Variants in FAF1 observed in about 807,000 individuals in gnomAD.
FAF1 encodes Fas associated factor 1, also known as FAS-associated factor 1.
FAF1 carries 25 observed loss-of-function variants against 92.5 expected under a neutral mutation model. The ratio of observed to expected loss-of-function variants is 0.27; its 90% CI spans 0.20 to 0.38. The LOEUF (loss-of-function observed/expected upper bound fraction) is 0.38, where lower values mean the gene tolerates loss of function less well. FAF1 is among the 10% of genes least tolerant of loss of function. The pLI is 1.00. For synonymous variants in FAF1, 234 were observed against 273.2 expected, an observed-to-expected ratio of 0.86 and a Z score of 1.42; for missense variants, 636 against 793.3, an observed-to-expected ratio of 0.80 and a Z score of 2.38.
At chr1:50,471,383 C>A (rs981053860) in intron 18 of FAF1, among the ~76,000 whole-genome samples, 1 of 152,098 alleles carries the variant, frequency 6.6e-6, no homozygotes, top group Non-Finnish European at 1.5e-5. Context: ...GCTTTTCCCC[C>A]AGTACATTTA....
chr1:50,537,595 A>C (rs1185190617), intron 14 of FAF1, among the ~76,000 whole-genome samples: 5 of 152,206 alleles, frequency 3.3e-5, no homozygotes, highest in Admixed American at 3.3e-4. Context: ...TAAAAGTAAC[A>C]ATAATAAACC....
chr1:50,747,966 G>A (rs1659694825), intron 4 of FAF1, among the ~76,000 whole-genome samples: 1 of 152,194 alleles, frequency 6.6e-6, no homozygotes, highest in African/African-American at 2.4e-5. Context: ...CTCCCCAGAA[G>A]TAGATGTTGC....
At chr1:50,504,690 G>T (rs975345421) in intron 15 of FAF1, among the ~76,000 whole-genome samples, 4 of 152,104 alleles carry the variant, frequency 2.6e-5, no homozygotes, top group African/African-American at 7.2e-5. Flanking sequence ...CAAATAAATT[G>T]GTTGTCCTCA....
At chr1:50,561,163 GA>G (rs1557995674) in intron 13 of FAF1, among the ~76,000 whole-genome samples, 1 of 152,144 alleles carries the variant, frequency 6.6e-6, no homozygotes, top group African/African-American at 2.4e-5. Flanking sequence ...GGGTATCACA[GA>G]GGTTTGGTGA....
chr1:50,520,862 T>C (rs561326393), intron 15 of FAF1, among the ~76,000 whole-genome samples: 32 of 152,194 alleles, frequency 2.1e-4, no homozygotes, highest in African/African-American at 7.5e-4. Context: ...CAAAAAACTT[T>C]AGCTCTTTAT....
chr1:50,705,245 G>T (rs1186192354), intron 7 of FAF1, among the ~76,000 whole-genome samples: 1 of 152,146 alleles, frequency 6.6e-6, no homozygotes. Flanking sequence ...AGTGGCCCTG[G>T]TTGGTCGTGT....
chr1:50,596,275 T>A, intron 8 of FAF1, 59 bp from the exon 9 acceptor site: 1 of 1,290,740 alleles, frequency 7.7e-7, no homozygotes, highest in Non-Finnish European at 1.1e-6. Context: ...CACAAAAGGA[T>A]TTGACTTTTC....
At chr1:50,607,628 T>C (rs973225517) in intron 8 of FAF1, among the ~76,000 whole-genome samples, 4 of 152,170 alleles carry the variant, frequency 2.6e-5, no homozygotes, top group African/African-American at 9.7e-5. Flanking sequence ...CATGTGAACA[T>C]AATATGAGGA....
intron 2 of FAF1, among the ~76,000 whole-genome samples, chr1:50,837,765 A>G (rs1418964186): frequency 1.3e-5 from 2 of 149,616 alleles, no homozygotes; most frequent in Non-Finnish European, 3.0e-5. Flanking sequence ...TTTTTTTGAG[A>G]CAGAGTCTCA....
chr1:50,523,420 A>T (rs1647612066), intron 15 of FAF1, among the ~76,000 whole-genome samples: 1 of 152,120 alleles, frequency 6.6e-6, no homozygotes, highest in African/African-American at 2.4e-5. Context: ...ACATCCTCAT[A>T]AATTCTTATG....
At chr1:50,462,121 C>T (rs1646440149) in intron 18 of FAF1, 1 of 149,638 alleles carries the variant, frequency 6.7e-6, no homozygotes, top group Admixed American at 6.7e-5. Context: ...GAGGTTGTGC[C>T]TGGTTTCTCC....
At chr1:50,714,971 C>G (rs1187462150) in intron 6 of FAF1, 1 of 410,642 alleles carries the variant, frequency 2.4e-6, no homozygotes, top group African/African-American at 2.1e-5. Flanking sequence ...CTTTAGGTTT[C>G]AAACACTGTA....
chr1:50,608,965 A>C (rs1367305393), intron 8 of FAF1, among the ~76,000 whole-genome samples: 2 of 152,210 alleles, frequency 1.3e-5, no homozygotes, highest in African/African-American at 4.8e-5. Flanking sequence ...TCTGTCTATC[A>C]ACCAATATAT....
rs532310187 is a variant in FAF1, at chr1:50,911,404, ACTT to A, written c.45+48360_45+48362del. Among the ~76,000 whole-genome samples, 193 of 150,836 alleles carry A rather than the reference ACTT, an allele frequency of 1.3e-3. No individual in the cohort carries two copies. In the Middle Eastern group the frequency reaches 0.014, roughly 11 times the overall value. ...TTATTATCTTGTTTTCTTGAGAAAA[ACTT>A]CTTCCTGGCTGGGCGCGGTGGCTCA... is the stretch of plus-strand genomic sequence containing the variant. On this transcript the variant is annotated intron_variant, in intron 1 of 18. Coordinates refer to ENST00000396153, the MANE Select transcript of FAF1 (RefSeq NM_007051.3).
chr1:50,851,017 T>TA (rs1245751898), intron 2 of FAF1, among the ~76,000 whole-genome samples: 1 of 151,932 alleles, frequency 6.6e-6, no homozygotes, highest in African/African-American at 2.4e-5. Flanking sequence ...TAGTAAGCTT[T>TA]AAAAAATATC....
chr1:50,786,069 C>T (rs1157249642), intron 4 of FAF1, among the ~76,000 whole-genome samples: 1 of 151,594 alleles, frequency 6.6e-6, no homozygotes, highest in Admixed American at 6.6e-5. Flanking sequence ...GAGTTTGAGG[C>T]TACAGTGAGC....
At chr1:50,519,370 AGGAGGGAGGGAGGGAG>A (rs781526889) in intron 15 of FAF1, among the ~76,000 whole-genome samples, 1 of 99,572 alleles carries the variant, frequency 1.0e-5, no homozygotes, top group South Asian at 4.1e-4. Flanking sequence ...GAAGGAAGGA[AGGAGGGAGGGAGGGAG>A]GGAGGGAGGG....
At chr1:50,772,612 T>C (rs961201457) in intron 4 of FAF1, among the ~76,000 whole-genome samples, 2 of 152,046 alleles carry the variant, frequency 1.3e-5, no homozygotes, top group African/African-American at 4.8e-5. Flanking sequence ...GAAAACCAAA[T>C]ATTGCATGTT....
intron 13 of FAF1, among the ~76,000 whole-genome samples, chr1:50,542,929 G>T (rs1196306353): frequency 6.6e-6 from 1 of 152,170 alleles, no homozygotes; most frequent in Non-Finnish European, 1.5e-5. Flanking sequence ...TGAGTGAAAT[G>T]AAATAGTTAA....
Sources: allele counts gnomAD v4.1 joint callset (sites outside exome capture counted in the v4.1 genomes callset), GRCh38; gene constraint gnomAD v4.1.1; transcripts MANE v1.5; gene names NCBI Gene and HGNC (gene_info 2026-07-23, HGNC 2026-07-21).